Variants in BMAL2 observed in about 807,000 individuals in gnomAD.
The protein encoded by BMAL2 is basic helix-loop-helix ARNT like 2, also known as basic helix-loop-helix ARNT-like protein 2.
chr12:27,395,188 T>A, the BMAL2 span, among the ~76,000 whole-genome samples: 4 of 152,242 alleles, frequency 2.6e-5, no homozygotes, highest in African/African-American at 9.6e-5. Context: ...TTAATTAAAT[T>A]GGCATTTTAA....
At chr12:27,379,672 T>G in the BMAL2 span, among the ~76,000 whole-genome samples, 1 of 151,538 alleles carries the variant, frequency 6.6e-6, no homozygotes. Context: ...GGGGCAGGGG[T>G]TGTGGAAGGT....
the BMAL2 span, chr12:27,390,217 C>T: frequency 1.9e-6 from 3 of 1,613,780 alleles, no homozygotes; most frequent in Admixed American, 1.7e-5. Context: ...AGCATGGATG[C>T]TTACCCAACT....
the BMAL2 span, among the ~76,000 whole-genome samples, chr12:27,409,919 TA>T: frequency 6.6e-6 from 1 of 151,822 alleles, no homozygotes; most frequent in African/African-American, 2.4e-5. Flanking sequence ...ACAACCCCAT[TA>T]AAAAGTGGGC....
chr12:27,392,408 T>G, the BMAL2 span, among the ~76,000 whole-genome samples: 6 of 152,024 alleles, frequency 3.9e-5, no homozygotes, highest in African/African-American at 1.4e-4. Flanking sequence ...TGCCCCAGAG[T>G]GCCTGTTCTC....
At chr12:27,383,609 C>A in the BMAL2 span, among the ~76,000 whole-genome samples, 1 of 152,172 alleles carries the variant, frequency 6.6e-6, no homozygotes, top group African/African-American at 2.4e-5. Flanking sequence ...CAGCCCACTT[C>A]TGCCTGGTAT....
chr12:27,337,064 G>A, the BMAL2 span, among the ~76,000 whole-genome samples: 1 of 151,922 alleles, frequency 6.6e-6, no homozygotes. Flanking sequence ...GGCATGATAG[G>A]AAATTTGACA....
At chr12:27,392,895 A>G in the BMAL2 span, among the ~76,000 whole-genome samples, 1 of 152,070 alleles carries the variant, frequency 6.6e-6, no homozygotes, top group Non-Finnish European at 1.5e-5. Flanking sequence ...TGCCCATTAT[A>G]ACCTTCCATT....
chr12:27,389,201 T>C, the BMAL2 span: 1 of 1,611,722 alleles, frequency 6.2e-7, no homozygotes, highest in Non-Finnish European at 8.5e-7. Flanking sequence ...GGACAAAGCT[T>C]ATTTGACTTC....
the BMAL2 span, among the ~76,000 whole-genome samples, chr12:27,338,608 T>G: frequency 6.6e-6 from 1 of 152,210 alleles, no homozygotes; most frequent in Non-Finnish European, 1.5e-5. Context: ...AGGAAAGAAC[T>G]GGCCTACTGA....
the BMAL2 span, among the ~76,000 whole-genome samples, chr12:27,340,868 G>A: frequency 6.6e-6 from 1 of 152,000 alleles, no homozygotes; most frequent in Non-Finnish European, 1.5e-5. Flanking sequence ...TTTTTGTGGT[G>A]GTTAAGAATG....
chr12:27,415,002 G>A, the BMAL2 span, among the ~76,000 whole-genome samples: 2 of 152,224 alleles, frequency 1.3e-5, no homozygotes, highest in East Asian at 3.9e-4. Context: ...TCTCTCTTAT[G>A]TGCAGAATCT....
chr12:27,424,056 T>C, the BMAL2 span: 4 of 152,256 alleles, frequency 2.6e-5, no homozygotes, highest in Admixed American at 2.6e-4. Flanking sequence ...AATGATATTT[T>C]GGATATACTG....
At chr12:27,420,019 G>GCGCACGCGCACA in the BMAL2 span, among the ~76,000 whole-genome samples, 6 of 147,476 alleles carry the variant, frequency 4.1e-5, no homozygotes, top group South Asian at 2.2e-4. Flanking sequence ...GTTTGCGCGT[G>GCGCACGCGCACA]CACACACACA....
chr12:27,361,131 A>G, the BMAL2 span, among the ~76,000 whole-genome samples: 11 of 152,260 alleles, frequency 7.2e-5, no homozygotes, highest in South Asian at 2.1e-4. Flanking sequence ...TGTATACCCA[A>G]TGTGTATTCT....
chr12:27,389,696 T>A, the BMAL2 span: 4,724 of 182,236 alleles, frequency 0.026, 228 homozygotes, highest in African/African-American at 0.11. Flanking sequence ...CTTGTATAAT[T>A]GTGTTTGGGA....
the BMAL2 span, among the ~76,000 whole-genome samples, chr12:27,396,009 C>A: frequency 6.6e-6 from 1 of 152,104 alleles, no homozygotes; most frequent in African/African-American, 2.4e-5. Flanking sequence ...ATTGTTTTCC[C>A]CCAAAGTTTG....
At chr12:27,370,256 A>C in the BMAL2 span, 1 of 1,540,144 alleles carries the variant, frequency 6.5e-7, no homozygotes, top group Non-Finnish European at 9.0e-7. Context: ...TCTTTGACAT[A>C]CTCTCTCCCC....
the BMAL2 span, among the ~76,000 whole-genome samples, chr12:27,346,328 T>C: frequency 6.6e-6 from 1 of 152,218 alleles, no homozygotes; most frequent in African/African-American, 2.4e-5. Flanking sequence ...TGGCACAATC[T>C]CAGCTCACTG....
At chr12:27,393,705 A>G in the BMAL2 span, among the ~76,000 whole-genome samples, 1 of 152,198 alleles carries the variant, frequency 6.6e-6, no homozygotes, top group Admixed American at 6.5e-5. Context: ...ATGTTGGTGA[A>G]TGAACAGTTT....
Sources: allele counts gnomAD v4.1 joint callset (sites outside exome capture counted in the v4.1 genomes callset), GRCh38; gene constraint gnomAD v4.1.1; transcripts MANE v1.5; gene names NCBI Gene and HGNC (gene_info 2026-07-23, HGNC 2026-07-21).